Variants in ZSCAN20 observed in about 807,000 individuals in gnomAD.
ZSCAN20 encodes zinc finger and SCAN domain-containing protein 20.
A neutral mutation model predicts 97.1 loss-of-function variants in ZSCAN20; 39 were observed. The ratio of observed to expected loss-of-function variants is 0.40; its 90% CI spans 0.31 to 0.52. The LOEUF is 0.52. Ranked by LOEUF, ZSCAN20 falls within the 20% of genes least tolerant of loss-of-function variation. ZSCAN20 has a pLI of 0.49. For missense variants in ZSCAN20, 1,115 were observed against 1,290.4 expected (o/e 0.86, Z 2.08); for synonymous variants, 456 against 467.3 (o/e 0.98, Z 0.31).
intron 2 of ZSCAN20, among the ~76,000 whole-genome samples, chr1:33,485,652 G>T (rs1652335860): frequency 6.6e-6 from 1 of 151,874 alleles, no homozygotes; most frequent in Non-Finnish European, 1.5e-5. Flanking sequence ...GGCTTCAAAT[G>T]ATCCACCACC....
rs759643374 is a variant in ZSCAN20 at position 33,494,855 on chromosome 1, T to C, written c.2511T>C (p.Phe837=). The C allele has an allele frequency of 1.2e-6, 2 of 1,614,244 alleles. No homozygotes were observed. The highest frequency in any genetic ancestry group is 1.3e-5 in the African/African-American group (1 of 75,074). Reference sequence around the variant, plus strand: ...GAAACTTTGCCCAAAGCCCATCTTTTAGTGCTCACTGGAGGAATTCTACAG... The same window carrying C: ...GAAACTTTGCCCAAAGCCCATCTTTCAGTGCTCACTGGAGGAATTCTACAG... The part of the protein sequence containing the change: ...PGGNFAQSPS[F]SAHWRNSTEE... Residue 837 remains phenylalanine, a synonymous_variant, in exon 8 of 8, where the codon TTT becomes TTC. Coordinates refer to ENST00000684572, the MANE Select transcript of ZSCAN20 (RefSeq NM_001377376.1).
At position 33,492,605 on chromosome 1, in the gene ZSCAN20, TCTACTAA is replaced by T. The variant is rs1557444552; in HGVS notation, c.1445-581_1445-575del. On this transcript the variant is annotated intron_variant, in intron 6 of 7. Coordinates refer to ENST00000684572, the MANE Select transcript of ZSCAN20 (RefSeq NM_001377376.1). ...CTGGCCAACATGGTGAAACCCTGTC[TCTACTAA>T]AAAAAATACAAAAATTAGCTGGGTG... is the stretch of plus-strand genomic sequence containing the variant. The T allele has an allele frequency of 2.6e-5, 4 of 151,766 alleles. 1 individual carries two copies. The highest frequency in any genetic ancestry group is 9.7e-5 in the African/African-American group (4 of 41,366). 9.4% of individuals were successfully genotyped at this position (151,766 alleles called of 1,614,324 possible). A position where few individuals can be genotyped will look rare whatever the true frequency, so the allele number is the denominator to read the frequency against.
chr1:33,493,538 C>G lies in ZSCAN20; in HGVS notation c.1796C>G (p.Ala599Gly). ...GGGCAGAGTAGTGCTGAGACTGATG[C>G]CCAGGAGGCCTGGGGTGAAGTGGCC... ...RCGQSSAETDAQEAWGEVANE... is the reference protein window; with the variant it reads ...RCGQSSAETDGQEAWGEVANE... The change falls in exon 7 of 8, where the codon GCC becomes GGC. Residue 599 changes from alanine (A) to glycine (G), a missense_variant. Around this residue, in one of 3 missense-constraint regions of ZSCAN20, gnomAD observed 554 missense variants for 584.9 expected, o/e 0.95. Transcript: ENST00000684572. This position sits in a 1 kb window ranked among gnomAD's most constrained non-coding sequence, Gnocchi z 4.3. 1 of 1,613,034 alleles carries G rather than the reference C, an allele frequency of 6.2e-7. No homozygotes were observed. The highest frequency in any genetic ancestry group is 8.5e-7 in the Non-Finnish European group (1 of 1,179,272).
rs1197471876 is a variant in ZSCAN20, at chr1:33,488,666, G to A, written c.604+15G>A. 1 of 1,600,884 alleles carries A rather than the reference G, an allele frequency of 6.2e-7. No individual in the cohort carries two copies. Among genetic ancestry groups the A allele is most frequent in the East Asian group, 2.2e-5 (1 of 44,690 alleles). On this transcript the variant is annotated intron_variant, in intron 3 of 7. Transcript: ENST00000684572. ...GAAAGAGAGTGGTGAGTACATCTGA[G>A]AACATTAGGGAATGAGGCCTTCTGC... is the stretch of plus-strand genomic sequence containing the variant.
rs1367288789 is a variant in ZSCAN20, at chr1:33,494,922, T to C, written c.2578T>C (p.Leu860=). Residue 860 remains leucine, a synonymous_variant, in exon 8 of 8, where the codon TTG becomes CTG. Coordinates refer to ENST00000684572, the MANE Select transcript of ZSCAN20 (RefSeq NM_001377376.1). Reference sequence around the variant, plus strand: ...ACAACCTCAAAGTATCAGTAAGGACTTGAATTCTCCTGGACCACACAGCAC... The same window carrying C: ...ACAACCTCAAAGTATCAGTAAGGACCTGAATTCTCCTGGACCACACAGCAC... The part of the protein sequence containing the change: ...PEQPQSISKD[L]NSPGPHSTNS... 1 of 1,614,176 alleles carries C rather than the reference T, an allele frequency of 6.2e-7. No individual in the cohort carries two copies.
intron 5 of ZSCAN20, among the ~76,000 whole-genome samples, chr1:33,490,172 C>T (rs971626911): frequency 1.3e-5 from 2 of 152,170 alleles, no homozygotes; most frequent in African/African-American, 2.4e-5. Context: ...AGGCCTGACT[C>T]ATGGTAAGTT....
intron 1 of ZSCAN20, among the ~76,000 whole-genome samples, chr1:33,477,211 G>C (rs986371663): frequency 6.6e-5 from 10 of 152,188 alleles, no homozygotes; most frequent in Non-Finnish European, 2.9e-5. Context: ...TGAAGGATGA[G>C]TAGGAAGCTG....
At chr1:33,492,485 GA>G (rs1185957832) in intron 6 of ZSCAN20, 1 of 152,198 alleles carries the variant, frequency 6.6e-6, no homozygotes, top group Non-Finnish European at 1.5e-5. Flanking sequence ...GTTAAAAGGA[GA>G]ATTTATGGCC....
At chr1:33,482,465 A>G (rs151135601) in intron 2 of ZSCAN20, among the ~76,000 whole-genome samples, 55 of 152,218 alleles carry the variant, frequency 3.6e-4, no homozygotes, top group Admixed American at 1.4e-3. Context: ...TTATTTATCT[A>G]CTCACCTACT....
intron 5 of ZSCAN20, 91 bp from the exon 6 acceptor site, chr1:33,490,934 G>A: frequency 2.4e-6 from 3 of 1,270,770 alleles, no homozygotes; most frequent in Non-Finnish European, 3.2e-6. Context: ...TTAGCCTCTT[G>A]CAAGGAAAAG....
chr1:33,478,924 G>T (rs1390703823), intron 1 of ZSCAN20, among the ~76,000 whole-genome samples: 1 of 152,146 alleles, frequency 6.6e-6, no homozygotes, highest in Non-Finnish European at 1.5e-5. Flanking sequence ...TTGACATTTT[G>T]TGAGCACTCA....
Position 33,494,333 on chromosome 1 carries a change from G to A in ZSCAN20, c.1989G>A (p.Trp663Ter), listed in dbSNP as rs1187302862. The A allele has an allele frequency of 6.2e-7, 1 of 1,614,048 alleles. No homozygotes were observed. Among genetic ancestry groups the A allele is most frequent in the Non-Finnish European group, 8.5e-7 (1 of 1,180,046 alleles). The stretch of plus-strand genomic sequence containing the variant: ...AAGCTGTTTGCCAACCTCTTGACTG[G>A]GGAGAAGACAGTGAAAATGAAAATG... ...PTEAVCQPLD[W>*]GEDSENENED... The change falls in exon 8 of 8, where the codon TGG becomes TGA. Residue 663 changes from tryptophan to a stop codon, truncating the protein, a stop_gained. Transcript: ENST00000684572. LOFTEE classifies it high-confidence loss of function.
chr1:33,490,269 C>A (rs990736231), intron 5 of ZSCAN20, among the ~76,000 whole-genome samples: 2 of 152,160 alleles, frequency 1.3e-5, no homozygotes, highest in African/African-American at 4.8e-5. Flanking sequence ...TTCAAAGGAA[C>A]AGATTTTGGG....
At chr1:33,482,649 A>T (rs1193814147) in intron 2 of ZSCAN20, among the ~76,000 whole-genome samples, 1 of 152,220 alleles carries the variant, frequency 6.6e-6, no homozygotes. Flanking sequence ...AAATTGCCAA[A>T]CTGTCATCCA....
chr1:33,477,126 A>G (rs184236750), intron 1 of ZSCAN20, among the ~76,000 whole-genome samples: 45 of 152,166 alleles, frequency 3.0e-4, no homozygotes, highest in African/African-American at 1.1e-3. Context: ...CAGGGAGGCA[A>G]TTCTTGGAGG....
intron 2 of ZSCAN20, among the ~76,000 whole-genome samples, chr1:33,484,178 T>A (rs1056407839): frequency 2.0e-5 from 3 of 152,236 alleles, no homozygotes; most frequent in Non-Finnish European, 2.9e-5. Flanking sequence ...CTTCCCAATC[T>A]ACGTACCTTT....
In ZSCAN20 at chr1:33,495,289, C is replaced by T. The variant is rs780169112; in HGVS notation, c.2945C>T (p.Thr982Met). ...CTCATTACTCACCAGAGGATTCATA[C>T]GGGAGAGAAGCCGTATAAGTGCAGA... ...SNLITHQRIH[T>M]GEKPYKCREC... The change falls in exon 8 of 8, where the codon ACG (threonine) becomes ATG (methionine). Residue 982 changes from threonine to methionine, a missense_variant. Thr to Met is a moderately conservative substitution (Grantham distance 81). Around this residue, in one of 3 missense-constraint regions of ZSCAN20, gnomAD observed 554 missense variants for 584.9 expected, o/e 0.95. Coordinates refer to ENST00000684572, the MANE Select transcript of ZSCAN20 (RefSeq NM_001377376.1). 17 of 1,611,466 alleles carry T rather than the reference C, an allele frequency of 1.1e-5. No individual in the cohort carries two copies. The highest frequency in any genetic ancestry group is 2.7e-5 in the African/African-American group (2 of 74,842).
rs1217062387 is a variant in ZSCAN20 at position 33,492,811 on chromosome 1, ATAAAT to A, written c.1445-375_1445-371del. Among the ~76,000 whole-genome samples the A allele has an allele frequency of 5.9e-5, 9 of 151,978 alleles. No homozygotes were observed. The East Asian group carries it at 1.4e-3, about 23-fold the overall frequency. On this transcript the variant is annotated intron_variant, in intron 6 of 7. Coordinates refer to ENST00000684572, the MANE Select transcript of ZSCAN20 (RefSeq NM_001377376.1). ...AAAAAAAAAAAGGAGAATTTATAAA[ATAAAT>A]AGAGTACAGGTATTGAGTGAATATG...
chr1:33,485,605 G>A (rs1025511343), intron 2 of ZSCAN20, among the ~76,000 whole-genome samples: 1 of 151,692 alleles, frequency 6.6e-6, no homozygotes, highest in Non-Finnish European at 1.5e-5. Flanking sequence ...GTTGAGATGG[G>A]ATTTCACCAC....
Sources: allele counts gnomAD v4.1 joint callset (sites outside exome capture counted in the v4.1 genomes callset), GRCh38; gene constraint gnomAD v4.1.1; regional missense constraint gnomAD v4.1.1; non-coding constraint Gnocchi (gnomAD v3.1); transcripts MANE v1.5; gene names NCBI Gene and HGNC (gene_info 2026-07-23, HGNC 2026-07-21).